PROK1: variants seen among roughly 807,000 people sequenced by gnomAD.
PROK1 encodes prokineticin 1.
In PROK1, 10 loss-of-function variants were observed where a neutral mutation model predicts 8.8. The observed-to-expected ratio is 1.13, with a 90% CI of 0.70 to 1.92. PROK1 has a LOEUF of 1.92. PROK1 is among the 30% of genes most tolerant of loss of function. The pLI is 0.00. For missense variants in PROK1, 140 were observed against 139.7 expected (o/e 1.00, Z -0.01); for synonymous variants, 57 against 56.0 (o/e 1.02, Z -0.08).
chr1:110,451,265 T>A lies in PROK1; in HGVS notation c.49T>A (p.Ser17Thr). The change falls in exon 1 of 3, where the codon TCT becomes ACT. Residue 17 changes from serine to threonine, a missense_variant. Ser to Thr is a moderately conservative substitution (Grantham distance 58, BLOSUM62 1). Coordinates refer to ENST00000271331, the MANE Select transcript of PROK1 (RefSeq NM_032414.3). ...AATCATGCTCCTCCTAGTAACTGTG[T>A]CTGACTGTGCTGTGATCACAGGGGT... Reference protein sequence around the residue: ...VSIMLLLVTVSDCAVITGACE... With the variant: ...VSIMLLLVTVTDCAVITGACE... 6.2e-7 allele frequency: 1 copy of A among 1,614,184 alleles called. No individual in the cohort carries two copies. The highest frequency in any genetic ancestry group is 1.3e-5 in the African/African-American group (1 of 75,044).
Position 110,453,999 on chromosome 1 carries a change from C to T in PROK1, c.111C>T (p.Cys37=). The change falls in exon 2 of 3, where the codon TGC becomes TGT. Residue 37 remains cysteine, a synonymous_variant. Transcript: ENST00000271331. ...ERDVQCGAGT[C]CAISLWLRGL... Reference sequence around the variant, plus strand: ...ATGTCCAGTGTGGGGCAGGCACCTGCTGTGCCATCAGCCTGTGGCTTCGAG... The same window carrying T: ...ATGTCCAGTGTGGGGCAGGCACCTGTTGTGCCATCAGCCTGTGGCTTCGAG... 1.9e-6 allele frequency: 3 copies of T among 1,614,238 alleles called. No individual in the cohort carries two copies. The highest frequency in any genetic ancestry group is 2.5e-6 in the Non-Finnish European group (3 of 1,180,040).
intron 2 of PROK1, among the ~76,000 whole-genome samples, chr1:110,454,588 A>G (rs1664141002): frequency 6.6e-6 from 1 of 152,100 alleles, no homozygotes; most frequent in African/African-American, 2.4e-5. Flanking sequence ...GTCATACCTC[A>G]CTGATGTTGG....
At chr1:110,455,479 A>G (rs926716677) in intron 2 of PROK1, among the ~76,000 whole-genome samples, 1 of 152,244 alleles carries the variant, frequency 6.6e-6, no homozygotes. Flanking sequence ...ACAATGTGGC[A>G]GTCCTTGTAA....
intron 2 of PROK1, among the ~76,000 whole-genome samples, chr1:110,454,310 T>C (rs1664137212): frequency 6.6e-6 from 1 of 152,218 alleles, no homozygotes; most frequent in African/African-American, 2.4e-5. Context: ...GCTATGGGGT[T>C]GCTGTGCCCC....
Position 110,457,090 on chromosome 1 carries a change from T to A in PROK1, c.*739T>A, listed in dbSNP as rs1207044140. 2.0e-5 allele frequency: 3 copies of A among 153,738 alleles called. No individual in the cohort carries two copies. Among genetic ancestry groups the A allele is most frequent in the Non-Finnish European group, 4.3e-5 (3 of 69,142 alleles). The allele number at this position is 153,738 out of a possible 1,614,324, so 9.5% of individuals were successfully genotyped here. ...ACTGAAGCCCCCAATTCCCACAGCTTTTCCATTAAAATGCAAATGGTGGTG... is the reference window on the plus strand; with the variant it reads ...ACTGAAGCCCCCAATTCCCACAGCTATTCCATTAAAATGCAAATGGTGGTG... On this transcript the variant is annotated 3_prime_UTR_variant, in exon 3 of 3. Coordinates refer to ENST00000271331, the MANE Select transcript of PROK1 (RefSeq NM_032414.3).
chr1:110,451,918 C>T (rs1169802176), intron 1 of PROK1, among the ~76,000 whole-genome samples: 6 of 151,486 alleles, frequency 4.0e-5, no homozygotes, highest in African/African-American at 7.3e-5. Context: ...TATCCAGTCT[C>T]GAAGCAGAGA....
rs796586597 is a variant in PROK1, at chr1:110,456,465, C to G, written c.*114C>G. On this transcript the variant is annotated 3_prime_UTR_variant, in exon 3 of 3. Transcript: ENST00000271331. ...TCTCCCAGTCCCTACACTGACTACC[C>G]TGATCTCTCTTGTCTAGTACGCACA... 83 of 1,314,242 alleles carry G rather than the reference C, an allele frequency of 6.3e-5. No homozygotes were observed. The African/African-American group carries it at 1.1e-3, about 18-fold the overall frequency. The allele number at this position is 1,314,242 out of a possible 1,614,324, so 81.4% of individuals were successfully genotyped here.
rs537760557 is a variant in PROK1, at chr1:110,454,492, A to G, written c.198+406A>G. Among the ~76,000 whole-genome samples the G allele has an allele frequency of 4.6e-5, 7 of 152,364 alleles. No homozygotes were observed. The South Asian group carries it at 1.4e-3, about 32-fold the overall frequency. On this transcript the variant is annotated intron_variant, in intron 2 of 2. Transcript: ENST00000271331. ...TGGGCAATGCTGAGGAAACTGACAT[A>G]CAGCAAAGTCATGTGACTTGCTCAA...
chr1:110,456,120 TG>T, intron 2 of PROK1, 111 bp from the exon 3 acceptor site: 1 of 1,156,268 alleles, frequency 8.6e-7, no homozygotes. Flanking sequence ...AGTGGAGAAG[TG>T]GGCTAGGGTG....
Position 110,453,975 on chromosome 1 carries a change from T to C in PROK1, c.87T>C (p.Asp29=). ...CAVITGACER[D]VQCGAGTCCA... ...CCCTCCTACAGGCCTGTGAGCGGGATGTCCAGTGTGGGGCAGGCACCTGCT... is the reference window on the plus strand; with the variant it reads ...CCCTCCTACAGGCCTGTGAGCGGGACGTCCAGTGTGGGGCAGGCACCTGCT... The change falls in exon 2 of 3, where the codon GAT becomes GAC. Residue 29 remains aspartate (D), a synonymous_variant. Transcript: ENST00000271331. 1 of 1,614,180 alleles carries C rather than the reference T, an allele frequency of 6.2e-7. No homozygotes were observed. Among genetic ancestry groups the C allele is most frequent in the Admixed American group, 1.7e-5 (1 of 60,034 alleles).
At position 110,457,112 on chromosome 1, in the gene PROK1, G is replaced by C. The variant is rs1570689954; in HGVS notation, c.*761G>C. 6.5e-6 allele frequency: 1 copy of C among 154,152 alleles called. No individual in the cohort carries two copies. Among genetic ancestry groups the C allele is most frequent in the Admixed American group, 6.4e-5 (1 of 15,714 alleles). 9.5% of individuals were successfully genotyped at this position (154,152 alleles called of 1,614,324 possible). ...GCTTTTCCATTAAAATGCAAATGGT[G>C]GTGGTTCAATCTAATCTGATATTGA... On this transcript the variant is annotated 3_prime_UTR_variant, in exon 3 of 3. Transcript: ENST00000271331.
intron 1 of PROK1, among the ~76,000 whole-genome samples, chr1:110,453,103 T>C (rs1248943063): frequency 6.6e-6 from 1 of 152,186 alleles, no homozygotes; most frequent in South Asian, 2.1e-4. Context: ...AAGGTGCCCA[T>C]AGGCTTTTAT....
At chr1:110,451,368 G>A (rs4839391) in intron 1 of PROK1, 80 bp downstream of exon 1, 127,255 of 1,243,832 alleles carry the variant, frequency 0.1, 9,843 homozygotes, top group Admixed American at 0.33. Flanking sequence ...CAGGAACCAT[G>A]CAGGAGGCTC....
chr1:110,456,737 C>A lies in PROK1; in HGVS notation c.*386C>A, dbSNP rs1664180135. The A allele has an allele frequency of 5.8e-6, 2 of 345,476 alleles. No homozygotes were observed. Among genetic ancestry groups the A allele is most frequent in the African/African-American group, 4.3e-5 (2 of 46,814 alleles). The allele number at this position is 345,476 out of a possible 1,614,324, so 21.4% of individuals were successfully genotyped here. A position where few individuals can be genotyped will look rare whatever the true frequency, so the allele number is the denominator to read the frequency against. On this transcript the variant is annotated 3_prime_UTR_variant, in exon 3 of 3. Coordinates refer to ENST00000271331, the MANE Select transcript of PROK1 (RefSeq NM_032414.3). ...GGTCTGAATTAGACATTCCTGGGCA[C>A]AGGCTCTTGGGTGCATTGCTCAGAG... is the stretch of plus-strand genomic sequence containing the variant.
intron 1 of PROK1, among the ~76,000 whole-genome samples, chr1:110,452,245 C>T (rs537716780): frequency 6.6e-6 from 1 of 152,314 alleles, no homozygotes; most frequent in South Asian, 2.1e-4. Context: ...TTACCATTCA[C>T]AGAAAGGACA....
rs1452620089 is a variant in PROK1, at chr1:110,453,308, CCTT to C, written c.73-649_73-647del. Among the ~76,000 whole-genome samples the C allele has an allele frequency of 3.9e-5, 6 of 152,308 alleles. No homozygotes were observed. The East Asian group carries it at 1.2e-3, about 29-fold the overall frequency. ...TTAAATGTGAGCTTATTTAATGTGG[CCTT>C]CTTTACAAATGGTACCTTCCCCAAA... On this transcript the variant is annotated intron_variant, in intron 1 of 2. Transcript: ENST00000271331.
chr1:110,452,154 T>C (rs1294605753), intron 1 of PROK1, among the ~76,000 whole-genome samples: 1 of 152,236 alleles, frequency 6.6e-6, no homozygotes, highest in Non-Finnish European at 1.5e-5. Flanking sequence ...AAACTAACTT[T>C]TAGTTCAGCC....
rs202241741 is a variant in PROK1, at chr1:110,456,377, A to G, written c.*26A>G. The G allele has an allele frequency of 3.1e-6, 5 of 1,613,180 alleles. No homozygotes were observed. Among genetic ancestry groups the G allele is most frequent in the East Asian group, 2.2e-5 (1 of 44,864 alleles). On this transcript the variant is annotated 3_prime_UTR_variant, in exon 3 of 3. Transcript: ENST00000271331. ...GCGCTTGCCTGGTCTCAGGATACCCACCATCCTTTTCCTGAGCACAGCCTG... is the reference window on the plus strand; with the variant it reads ...GCGCTTGCCTGGTCTCAGGATACCCGCCATCCTTTTCCTGAGCACAGCCTG...
Position 110,454,046 on chromosome 1 carries a change from T to A in PROK1, c.158T>A (p.Leu53Gln). 1 of 1,614,034 alleles carries A rather than the reference T, an allele frequency of 6.2e-7. No individual in the cohort carries two copies. Among genetic ancestry groups the A allele is most frequent in the Non-Finnish European group, 8.5e-7 (1 of 1,180,000 alleles). Residue 53 changes from leucine (L) to glutamine (Q), a missense_variant, in exon 2 of 3, where the codon CTG becomes CAG. Leu to Gln is a moderately radical substitution (Grantham distance 113). Transcript: ENST00000271331. ...CGAGGGCTGCGGATGTGCACCCCGC[T>A]GGGGCGGGAAGGCGAGGAGTGCCAC... ...WLRGLRMCTP[L>Q]GREGEECHPG...
Sources: gnomAD v4.1 joint callset for allele counts (sites outside exome capture counted in the v4.1 genomes callset) on GRCh38, gnomAD v4.1.1 for gene constraint, MANE v1.5 for transcripts, NCBI Gene and HGNC (gene_info 2026-07-23, HGNC 2026-07-21) for gene names.